Variants in OXR1 observed in about 807,000 individuals in gnomAD.
OXR1 encodes the protein oxidation resistance 1, also known as oxidation resistance protein 1.
A neutral mutation model predicts 104.6 loss-of-function variants in OXR1; 41 were observed. The ratio of observed to expected loss-of-function variants is 0.39; its 90% CI spans 0.31 to 0.51. OXR1 has a LOEUF of 0.51. OXR1 is among the 20% of genes least tolerant of loss of function. The probability of loss-of-function intolerance (pLI) is 0.77; values close to 1 mark genes in which losing one functional copy is unlikely to be tolerated. For missense variants in OXR1, 955 were observed against 1,031.9 expected (o/e 0.93, Z 1.02); for synonymous variants, 348 against 348.4 (o/e 1.00, Z 0.01).
At chr8:106,345,245 G>T (rs1466593223) in intron 1 of OXR1, among the ~76,000 whole-genome samples, 5 of 152,144 alleles carry the variant, frequency 3.3e-5, no homozygotes, top group African/African-American at 1.2e-4. Flanking sequence ...TATTAGATAA[G>T]TGAATGAATA....
intron 3 of OXR1, among the ~76,000 whole-genome samples, chr8:106,629,295 T>C (rs1822465194): frequency 6.6e-6 from 1 of 152,126 alleles, no homozygotes; most frequent in Non-Finnish European, 1.5e-5. Context: ...CAGGAAAACC[T>C]ACATTCATGG....
At chr8:106,371,807 G>A (rs1816719226) in intron 2 of OXR1, among the ~76,000 whole-genome samples, 1 of 152,218 alleles carries the variant, frequency 6.6e-6, no homozygotes, top group Admixed American at 6.5e-5. Flanking sequence ...TAGGCCTGAA[G>A]AAACACTCTG....
intron 11 of OXR1, among the ~76,000 whole-genome samples, chr8:106,731,330 A>G (rs1424138481): frequency 6.6e-6 from 1 of 152,116 alleles, no homozygotes; most frequent in Non-Finnish European, 1.5e-5. Flanking sequence ...TTTATCATTT[A>G]TATATGTTGC....
At chr8:106,672,607 A>T (rs1827155667) in intron 3 of OXR1, among the ~76,000 whole-genome samples, 1 of 152,184 alleles carries the variant, frequency 6.6e-6, no homozygotes, top group African/African-American at 2.4e-5. Context: ...ACCTGCTTAG[A>T]TACACACCAG....
At chr8:106,702,381 A>G (rs1283887876) in intron 7 of OXR1, among the ~76,000 whole-genome samples, 2 of 152,236 alleles carry the variant, frequency 1.3e-5, no homozygotes, top group African/African-American at 2.4e-5. Context: ...ATGAAGAAAT[A>G]AGCCCAGAGA....
intron 2 of OXR1, among the ~76,000 whole-genome samples, chr8:106,518,326 A>G (rs1015564359): frequency 6.6e-6 from 1 of 152,338 alleles, no homozygotes; most frequent in Middle Eastern, 3.4e-3. Flanking sequence ...ATCATTTACA[A>G]TGATTTGTAT....
chr8:106,673,443 G>A (rs1827244840), intron 3 of OXR1, among the ~76,000 whole-genome samples: 1 of 152,232 alleles, frequency 6.6e-6, no homozygotes, highest in South Asian at 2.1e-4. Context: ...TTCACAAAGA[G>A]ATGGTTTGGA....
intron 3 of OXR1, among the ~76,000 whole-genome samples, chr8:106,619,190 A>G (rs1333389912): frequency 2.0e-5 from 3 of 152,214 alleles, no homozygotes; most frequent in Non-Finnish European, 4.4e-5. Context: ...ATACTTTACC[A>G]CTTATTTAGA....
chr8:106,409,022 T>C (rs1462275498), intron 2 of OXR1, among the ~76,000 whole-genome samples: 1 of 152,136 alleles, frequency 6.6e-6, no homozygotes, highest in African/African-American at 2.4e-5. Context: ...TACTCCCTTG[T>C]ATCTACTCCT....
chr8:106,344,253 C>G (rs1192755082), intron 1 of OXR1, among the ~76,000 whole-genome samples: 4 of 151,150 alleles, frequency 2.6e-5, no homozygotes, highest in Admixed American at 1.3e-4. Context: ...CTGCTTCCCA[C>G]GAACTACAGT....
rs1183658228 is a variant in OXR1 at position 106,384,318 on chromosome 8, T to A, written c.23+24682T>A. Among the ~76,000 whole-genome samples the A allele has an allele frequency of 3.9e-5, 6 of 152,188 alleles. No homozygotes were observed. The East Asian group carries it at 1.2e-3, about 29-fold the overall frequency. ...GTGCTTATGATCACCCATTCACAGA[T>A]AATGACATGCACACAAAGAAGTCAC... On this transcript the variant is annotated intron_variant, in intron 2 of 16. Transcript: ENST00000517566.
intron 1 of OXR1, among the ~76,000 whole-genome samples, chr8:106,324,359 G>C (rs1814367813): frequency 6.6e-6 from 1 of 152,246 alleles, no homozygotes; most frequent in Admixed American, 6.5e-5. Flanking sequence ...GGGTCTACTT[G>C]AGGGAGGAGG....
At chr8:106,286,687 CAAACAT>C (rs67246614) in intron 1 of OXR1, among the ~76,000 whole-genome samples, 45,220 of 151,584 alleles carry the variant, frequency 0.3, 6,953 homozygotes, top group East Asian at 0.55. Flanking sequence ...ACTACAGAAA[CAAACAT>C]AAATGAGCTG....
intron 9 of OXR1, chr8:106,707,629 A>T (rs776940): frequency 0.042 from 7,242 of 172,788 alleles, 236 homozygotes; most frequent in Non-Finnish European, 0.063. Context: ...CATCATCATC[A>T]TCTAATTATT....
At chr8:106,728,792 T>C (rs897192636) in intron 11 of OXR1, among the ~76,000 whole-genome samples, 14 of 152,200 alleles carry the variant, frequency 9.2e-5, no homozygotes, top group African/African-American at 2.9e-4. Flanking sequence ...AAGCCCATTT[T>C]ATAATAAGGA....
intron 2 of OXR1, among the ~76,000 whole-genome samples, chr8:106,419,756 G>T (rs1818828275): frequency 6.6e-6 from 1 of 152,094 alleles, no homozygotes; most frequent in African/African-American, 2.4e-5. Context: ...TTCTTTGCCA[G>T]TCCCTCTGCA....
At chr8:106,449,216 T>G (rs1820181954) in intron 2 of OXR1, among the ~76,000 whole-genome samples, 1 of 152,206 alleles carries the variant, frequency 6.6e-6, no homozygotes, top group South Asian at 2.1e-4. Flanking sequence ...ACCCCTCTGA[T>G]CACTTTTGAC....
intron 2 of OXR1, among the ~76,000 whole-genome samples, chr8:106,510,646 T>A (rs59903206): frequency 9.1e-4 from 139 of 152,344 alleles, no homozygotes; most frequent in African/African-American, 3.3e-3. Context: ...TTCTTTATAC[T>A]GGCCTAGCCC....
At chr8:106,626,044 T>TTGTGTG (rs59554916) in intron 3 of OXR1, among the ~76,000 whole-genome samples, 136 of 148,412 alleles carry the variant, frequency 9.2e-4, no homozygotes, top group African/African-American at 2.0e-3. Flanking sequence ...GTTCTGCGTT[T>TTGTGTG]TGTGTGTGTG....
Sources: gnomAD v4.1 joint callset for allele counts (sites outside exome capture counted in the v4.1 genomes callset) on GRCh38, gnomAD v4.1.1 for gene constraint, MANE v1.5 for transcripts, NCBI Gene and HGNC (gene_info 2026-07-23, HGNC 2026-07-21) for gene names.